IKZF3: variants seen among roughly 807,000 people sequenced by gnomAD.
IKZF3 encodes the protein IKAROS family zinc finger 3, also known as zinc finger protein Aiolos.
In IKZF3, 10 loss-of-function variants were observed where a neutral mutation model predicts 49.0. The ratio of observed to expected loss-of-function variants is 0.20; its 90% CI spans 0.13 to 0.35. The LOEUF is 0.35. IKZF3 is among the 10% of genes least tolerant of loss of function. The pLI is 1.00. For synonymous variants in IKZF3, 209 were observed against 228.2 expected, an observed-to-expected ratio of 0.92 and a Z score of 0.76; for missense variants, 498 against 664.8, an observed-to-expected ratio of 0.75 and a Z score of 2.76.
At chr17:39,773,407 CT>C (rs1362729155) in intron 7 of IKZF3, among the ~76,000 whole-genome samples, 3 of 152,052 alleles carry the variant, frequency 2.0e-5, no homozygotes, top group Non-Finnish European at 4.4e-5. Context: ...TGGAAAAATA[CT>C]TTTTTTTCTC....
At chr17:39,818,800 G>A (rs1298006254) in intron 3 of IKZF3, among the ~76,000 whole-genome samples, 2 of 152,212 alleles carry the variant, frequency 1.3e-5, no homozygotes, top group Non-Finnish European at 2.9e-5. Context: ...GGAGTTTGCA[G>A]TGAGCTGAGC....
chr17:39,859,008 C>T (rs2063144791), intron 1 of IKZF3, among the ~76,000 whole-genome samples: 1 of 151,882 alleles, frequency 6.6e-6, no homozygotes, highest in South Asian at 2.1e-4. Context: ...AGGGCCTCAC[C>T]ATGTTGCCCA....
chr17:39,785,132 G>A (rs2060842845), intron 6 of IKZF3, among the ~76,000 whole-genome samples: 1 of 152,128 alleles, frequency 6.6e-6, no homozygotes, highest in African/African-American at 2.4e-5. Flanking sequence ...ATTCTAAGAA[G>A]GAAACAGAAA....
At chr17:39,782,010 C>T (rs906426598) in intron 6 of IKZF3, among the ~76,000 whole-genome samples, 6 of 152,078 alleles carry the variant, frequency 3.9e-5, no homozygotes, top group Non-Finnish European at 8.8e-5. Flanking sequence ...TCACCCACAC[C>T]CTCTTTCTGG....
At chr17:39,829,569 A>G in intron 2 of IKZF3, 81 bp from the exon 3 acceptor site, 1 of 926,072 alleles carries the variant, frequency 1.1e-6, no homozygotes, top group Non-Finnish European at 1.7e-6. Context: ...ACCCCCATTT[A>G]ACTTTCAGCT....
At chr17:39,857,555 T>C (rs1331501244) in intron 1 of IKZF3, among the ~76,000 whole-genome samples, 2 of 152,182 alleles carry the variant, frequency 1.3e-5, no homozygotes. Flanking sequence ...GTGGGGGGCA[T>C]GGATTAGAAA....
chr17:39,795,185 T>C (rs1319956051), intron 3 of IKZF3, among the ~76,000 whole-genome samples: 1 of 152,224 alleles, frequency 6.6e-6, no homozygotes, highest in Non-Finnish European at 1.5e-5. Context: ...GACACCATCC[T>C]GGCTCAAGAG....
chr17:39,817,744 T>C (rs1270897269), intron 3 of IKZF3, among the ~76,000 whole-genome samples: 1 of 152,352 alleles, frequency 6.6e-6, no homozygotes, highest in African/African-American at 2.4e-5. Context: ...TACATACTGA[T>C]CATATTATAT....
At chr17:39,857,964 A>C (rs957804722) in intron 1 of IKZF3, among the ~76,000 whole-genome samples, 1 of 144,754 alleles carries the variant, frequency 6.9e-6, no homozygotes, top group Non-Finnish European at 1.5e-5. Flanking sequence ...TCAAAAATTA[A>C]AAAAAAAAAA....
intron 6 of IKZF3, among the ~76,000 whole-genome samples, chr17:39,784,155 C>G (rs1190142843): frequency 6.6e-6 from 1 of 152,112 alleles, no homozygotes; most frequent in East Asian, 1.9e-4. Context: ...ATTGCTAGAA[C>G]TCATTGTTAC....
At chr17:39,819,408 A>G (rs34053394) in intron 3 of IKZF3, among the ~76,000 whole-genome samples, 8,667 of 152,224 alleles carry the variant, frequency 0.057, 375 homozygotes, top group African/African-American at 0.12. Flanking sequence ...CCTCATTCTG[A>G]GTGAGACTCC....
intron 1 of IKZF3, chr17:39,836,073 AG>A: frequency 1.5e-6 from 1 of 656,054 alleles, no homozygotes; most frequent in Non-Finnish European, 2.8e-6. Context: ...CTGCTGCTTC[AG>A]GAACCGCGAT....
intron 1 of IKZF3, among the ~76,000 whole-genome samples, chr17:39,850,820 A>AATATGCTATATAGTATATATACATATC (rs2062839797): frequency 1.1e-5 from 1 of 88,680 alleles, no homozygotes; most frequent in Non-Finnish European, 2.4e-5. Context: ...ATATACATAT[A>AATATGCTATATAGTATATATACATATC]TAATATGCTA....
rs1286883051 is a variant in IKZF3, at chr17:39,758,865, G to T, written c.*6925C>A. On this transcript the variant is annotated 3_prime_UTR_variant, in exon 8 of 8. Coordinates refer to ENST00000346872, the MANE Select transcript of IKZF3 (RefSeq NM_012481.5). ...TGCTATTATGATCTAGTATGATCTT[G>T]GGATATTTTTCATGTCTTTAAATTT... 1 of 146,516 alleles carries T rather than the reference G, an allele frequency of 6.8e-6. No homozygotes were observed. Among genetic ancestry groups the T allele is most frequent in the South Asian group, 2.3e-4 (1 of 4,428 alleles). The allele number at this position is 146,516 out of a possible 1,614,324, so 9.1% of individuals were successfully genotyped here.
intron 3 of IKZF3, among the ~76,000 whole-genome samples, chr17:39,793,515 CACA>C (rs1300048098): frequency 1.3e-5 from 2 of 152,132 alleles, no homozygotes; most frequent in Non-Finnish European, 2.9e-5. Context: ...CTGATAAAGG[CACA>C]ACATTGACTG....
intron 6 of IKZF3, among the ~76,000 whole-genome samples, chr17:39,786,678 T>C (rs2060882645): frequency 6.6e-6 from 1 of 152,216 alleles, no homozygotes; most frequent in Non-Finnish European, 1.5e-5. Context: ...AGGTTGGGCT[T>C]GAGCTCCTGG....
At chr17:39,836,172 G>C (rs1598159348) in intron 1 of IKZF3, 2 of 665,022 alleles carry the variant, frequency 3.0e-6, no homozygotes, top group East Asian at 5.5e-5. Flanking sequence ...CCAGCTTAAG[G>C]GGGCTCAGCA....
intron 6 of IKZF3, among the ~76,000 whole-genome samples, chr17:39,784,546 G>C (rs1369457718): frequency 6.6e-6 from 1 of 152,090 alleles, no homozygotes; most frequent in African/African-American, 2.4e-5. Context: ...TGGGACTACA[G>C]GTGAGCACCA....
intron 1 of IKZF3, among the ~76,000 whole-genome samples, chr17:39,862,029 C>G (rs1052448867): frequency 4.6e-5 from 7 of 152,038 alleles, no homozygotes; most frequent in Non-Finnish European, 1.0e-4. Context: ...CCATAACAGA[C>G]AGAAGAGATG....
Sources: allele counts gnomAD v4.1 joint callset (sites outside exome capture counted in the v4.1 genomes callset), GRCh38; gene constraint gnomAD v4.1.1; transcripts MANE v1.5; gene names NCBI Gene and HGNC (gene_info 2026-07-23, HGNC 2026-07-21).